CIB3: variants seen among roughly 807,000 people sequenced by gnomAD.
CIB3 encodes the protein calcium and integrin binding family member 3, also known as calcium and integrin-binding family member 3.
CIB3 carries 22 observed loss-of-function variants against 23.4 expected under a neutral mutation model. The ratio of observed to expected loss-of-function variants is 0.94; its 90% CI spans 0.67 to 1.34. The LOEUF (loss-of-function observed/expected upper bound fraction) is 1.34. Ranked by LOEUF, CIB3 falls within the 40% of genes most tolerant of loss-of-function variation. The pLI is 0.00. For missense variants in CIB3, 258 were observed against 247.3 expected (o/e 1.04, Z -0.29); for synonymous variants, 93 against 95.8 (o/e 0.97, Z 0.17).
chr19:16,170,855 G>T (rs2091325020), intron 2 of CIB3, among the ~76,000 whole-genome samples: 1 of 150,016 alleles, frequency 6.7e-6, no homozygotes, highest in African/African-American at 2.5e-5. Context: ...AAGAAAGAAA[G>T]AGGCCGGGCG....
chr19:16,170,503 A>G (rs144545276), intron 2 of CIB3, among the ~76,000 whole-genome samples: 1 of 152,300 alleles, frequency 6.6e-6, no homozygotes, highest in Admixed American at 6.5e-5. Context: ...CTTCACTTTC[A>G]TACCTTCCCT....
intron 2 of CIB3, among the ~76,000 whole-genome samples, chr19:16,170,955 G>A (rs372021872): frequency 1.1e-3 from 162 of 152,170 alleles, no homozygotes; most frequent in African/African-American, 3.8e-3. Flanking sequence ...TGGCTAACAT[G>A]GTGAAACCCC....
chr19:16,169,705 G>A lies in CIB3; in HGVS notation c.123C>T (p.Leu41=), dbSNP rs111791587. Residue 41 remains leucine (L), a synonymous_variant, in exon 3 of 6, where the codon CTC becomes CTT. Coordinates refer to ENST00000269878, the MANE Select transcript of CIB3 (RefSeq NM_054113.4). ...FYRYQDLAPQ[L]VPLDYTTCPD... ...GGCAGGTGGTATAGTCGAGGGGCAC[G>A]AGCTGTGGGGCCAGGTCCTGGTAGC... 7,304 of 1,612,976 alleles carry A rather than the reference G, an allele frequency of 4.5e-3. 29 individuals are homozygous for A. The highest frequency in any genetic ancestry group is 5.1e-3 in the Non-Finnish European group (6,063 of 1,179,410).
intron 5 of CIB3, among the ~76,000 whole-genome samples, chr19:16,162,243 C>CAAAAAAAAA (rs79329568): frequency 3.8e-5 from 2 of 52,490 alleles, no homozygotes; most frequent in East Asian, 1.4e-3. Context: ...CTTGTCTCCA[C>CAAAAAAAAA]AAAAAAAAAA....
chr19:16,172,295 C>T (rs569730779), intron 2 of CIB3, among the ~76,000 whole-genome samples: 12 of 152,330 alleles, frequency 7.9e-5, no homozygotes, highest in African/African-American at 2.6e-4. Flanking sequence ...GCTGGGATTA[C>T]AGGCACCCAC....
At chr19:16,167,649 T>C (rs1345423072) in intron 4 of CIB3, among the ~76,000 whole-genome samples, 1 of 151,996 alleles carries the variant, frequency 6.6e-6, no homozygotes, top group Admixed American at 6.6e-5. Flanking sequence ...CTGGCCAACA[T>C]GGTGAAACCC....
At chr19:16,164,965 C>A (rs376493078) in intron 4 of CIB3, 52 bp from the exon 5 acceptor site, 1 of 1,486,496 alleles carries the variant, frequency 6.7e-7, no homozygotes, top group Non-Finnish European at 9.4e-7. Context: ...AGGGCTAGGC[C>A]GGCTGTGGGC....
rs760226506 is a variant in CIB3 at position 16,169,755 on chromosome 19, G to A, written c.87-14C>T. On this transcript the variant is annotated splice_polypyrimidine_tract_variant and intron_variant, in intron 2 of 5. Coordinates refer to ENST00000269878, the MANE Select transcript of CIB3 (RefSeq NM_054113.4). ...CGATAGAAGAGCCTGATGTGGGGAG[G>A]AAAAAGCTGGGAAAGACTGGGAGCA... The A allele has an allele frequency of 1.8e-5, 28 of 1,584,760 alleles. No homozygotes were observed. The highest frequency in any genetic ancestry group is 2.3e-5 in the Non-Finnish European group (27 of 1,166,606).
chr19:16,163,114 G>A (rs1599433632), intron 5 of CIB3, among the ~76,000 whole-genome samples: 1 of 150,714 alleles, frequency 6.6e-6, no homozygotes, highest in East Asian at 1.9e-4. Flanking sequence ...TGGGATTACA[G>A]GTGTGAGCCA....
At chr19:16,165,817 A>G (rs989841885) in intron 4 of CIB3, among the ~76,000 whole-genome samples, 1 of 152,124 alleles carries the variant, frequency 6.6e-6, no homozygotes, top group Non-Finnish European at 1.5e-5. Context: ...ATTCACTCAT[A>G]CAAGTATTTA....
Position 16,161,374 on chromosome 19 carries a change from T to C in CIB3, c.*91A>G. ...AATGTGTCCTCCCAGCAGGTGTGAC[T>C]CAGTGACTTGTGTTTATTCTCAGAA... On this transcript the variant is annotated 3_prime_UTR_variant, in exon 6 of 6. Coordinates refer to ENST00000269878, the MANE Select transcript of CIB3 (RefSeq NM_054113.4). The C allele has an allele frequency of 7.7e-7, 1 of 1,306,114 alleles. No individual in the cohort carries two copies. Among genetic ancestry groups the C allele is most frequent in the Non-Finnish European group, 1.1e-6 (1 of 899,458 alleles). 80.9% of individuals were successfully genotyped at this position (1,306,114 alleles called of 1,614,324 possible). A position where few individuals can be genotyped will look rare whatever the true frequency, so the allele number is the denominator to read the frequency against.
At chr19:16,168,854 G>A (rs1356468563) in intron 3 of CIB3, among the ~76,000 whole-genome samples, 1 of 152,062 alleles carries the variant, frequency 6.6e-6, no homozygotes, top group Non-Finnish European at 1.5e-5. Context: ...TGTTGTTCAG[G>A]GGCAATCCAT....
chr19:16,163,782 T>A (rs967673363), intron 5 of CIB3, among the ~76,000 whole-genome samples: 2 of 152,118 alleles, frequency 1.3e-5, no homozygotes, highest in Non-Finnish European at 2.9e-5. Context: ...GGCCAAATAG[T>A]TGATGTTTTC....
At chr19:16,171,167 AAAAG>A (rs1229213370) in intron 2 of CIB3, among the ~76,000 whole-genome samples, 1 of 152,004 alleles carries the variant, frequency 6.6e-6, no homozygotes, top group Non-Finnish European at 1.5e-5. Context: ...TAAAAAATAA[AAAAG>A]AAAGAAAGAA....
chr19:16,167,213 T>A (rs962607487), intron 4 of CIB3, among the ~76,000 whole-genome samples: 1 of 149,942 alleles, frequency 6.7e-6, no homozygotes, highest in Non-Finnish European at 1.5e-5. Context: ...AGAGCAAGAC[T>A]TTGTCTCACA....
chr19:16,168,956 G>A (rs1196319809), intron 3 of CIB3, among the ~76,000 whole-genome samples: 1 of 152,156 alleles, frequency 6.6e-6, no homozygotes, highest in African/African-American at 2.4e-5. Context: ...CAACCCACAA[G>A]TTCCCCTTGG....
chr19:16,164,185 G>A (rs150766272), intron 5 of CIB3, among the ~76,000 whole-genome samples: 1,871 of 152,216 alleles, frequency 0.012, 8 homozygotes, highest in Non-Finnish European at 0.018. Context: ...ATGTTCCCCA[G>A]TTTGGTCTCA....
intron 5 of CIB3, among the ~76,000 whole-genome samples, chr19:16,163,627 C>G (rs966175641): frequency 6.6e-6 from 1 of 151,872 alleles, no homozygotes; most frequent in African/African-American, 2.4e-5. Flanking sequence ...TTTGTCAATT[C>G]AAAAAATAAA....
chr19:16,168,113 C>A, intron 4 of CIB3, 24 bp downstream of exon 4: 1 of 1,591,682 alleles, frequency 6.3e-7, no homozygotes, highest in Non-Finnish European at 8.6e-7. Flanking sequence ...CCCATGCTTC[C>A]CAACCCCAGG....
Sources: gnomAD v4.1 joint callset for allele counts (sites outside exome capture counted in the v4.1 genomes callset) on GRCh38, gnomAD v4.1.1 for gene constraint, MANE v1.5 for transcripts, NCBI Gene and HGNC (gene_info 2026-07-23, HGNC 2026-07-21) for gene names.